The following TUBGCP3 variants were observed in gnomAD, a reference collection of about 807,000 sequenced individuals.
TUBGCP3 encodes gamma-tubulin complex component 3.
In TUBGCP3, 50 loss-of-function variants were observed where a neutral mutation model predicts 123.1. That is an observed-to-expected ratio of 0.41 (90% confidence interval 0.32 to 0.51). TUBGCP3 has a LOEUF of 0.51. TUBGCP3 is among the 20% of genes least tolerant of loss of function. The pLI is 0.36. For synonymous variants in TUBGCP3, 405 were observed against 413.9 expected, an observed-to-expected ratio of 0.98 and a Z score of 0.26; for missense variants, 882 against 1,127.0, an observed-to-expected ratio of 0.78 and a Z score of 3.11.
chr13:112,588,098 GGCGC>G lies in TUBGCP3; in HGVS notation c.-122_-119del. The stretch of plus-strand genomic sequence containing the variant: ...AAGCTCCCTGCTCCTGACAGGCTAA[GGCGC>G]GGGCGCCGCCGGCCACCAGGGCGCC... On this transcript the variant is annotated 5_prime_UTR_variant, in exon 1 of 22. It removes the in-frame stop codon of an upstream open reading frame in the 5' UTR. Transcript: ENST00000261965. 1.1e-6 allele frequency: 1 copy of G among 924,072 alleles called. No individual in the cohort carries two copies. Among genetic ancestry groups the G allele is most frequent in the Non-Finnish European group, 1.5e-6 (1 of 688,948 alleles). 57.2% of individuals were successfully genotyped at this position (924,072 alleles called of 1,614,324 possible).
At position 112,485,937 on chromosome 13, in the gene TUBGCP3, T is replaced by G; in HGVS notation, c.*56A>C. On this transcript the variant is annotated 3_prime_UTR_variant, in exon 22 of 22. Coordinates refer to ENST00000261965, the MANE Select transcript of TUBGCP3 (RefSeq NM_006322.6). ...TTCCTGCAGGACGTCAATGGGAATT[T>G]CGTGTCTAGCAGTGCAACGAACATC... 4.8e-6 allele frequency: 6 copies of G among 1,261,622 alleles called. No homozygotes were observed. The highest frequency in any genetic ancestry group is 6.6e-6 in the Non-Finnish European group (6 of 914,528). The allele number at this position is 1,261,622 out of a possible 1,614,324, so 78.2% of individuals were successfully genotyped here. A position where few individuals can be genotyped will look rare whatever the true frequency, so the allele number is the denominator to read the frequency against.
Position 112,506,948 on chromosome 13 carries a change from T to C in TUBGCP3, c.2087-2234A>G, listed in dbSNP as rs138223856. On this transcript the variant is annotated intron_variant, in intron 17 of 21. Transcript: ENST00000261965. Reference sequence around the variant, plus strand: ...CTGTGTCTTACCCCACTGAAGTCACTGGACTGTAATGGAAAATCTATAGCC... The same window carrying C: ...CTGTGTCTTACCCCACTGAAGTCACCGGACTGTAATGGAAAATCTATAGCC... 6.4e-4 allele frequency among the ~76,000 whole-genome samples: 97 copies of C among 152,336 alleles called. 3 individuals are homozygous for C. In the East Asian group the frequency reaches 0.017, roughly 27 times the overall value.
chr13:112,579,231 C>T (rs1427883373), intron 1 of TUBGCP3, among the ~76,000 whole-genome samples: 2 of 152,238 alleles, frequency 1.3e-5, no homozygotes, highest in African/African-American at 2.4e-5. Flanking sequence ...GATATCACAA[C>T]ACACTTGCTA....
chr13:112,515,612 A>C (rs1363117980), intron 17 of TUBGCP3, among the ~76,000 whole-genome samples: 1 of 152,200 alleles, frequency 6.6e-6, no homozygotes, highest in Non-Finnish European at 1.5e-5. Flanking sequence ...CGCAGCCATC[A>C]CTGCCTTTAA....
chr13:112,534,281 T>C (rs1039324477), intron 11 of TUBGCP3, among the ~76,000 whole-genome samples: 2 of 152,074 alleles, frequency 1.3e-5, no homozygotes, highest in Admixed American at 6.5e-5. Context: ...GCGCGGCGGC[T>C]CACGCCTGTA....
chr13:112,572,426 ACCCT>A (rs1881480488), intron 1 of TUBGCP3, among the ~76,000 whole-genome samples: 1 of 137,600 alleles, frequency 7.3e-6, no homozygotes, highest in South Asian at 2.5e-4. Flanking sequence ...CTCACCCCCC[ACCCT>A]CCAACAGGCT....
the TUBGCP3 span, chr13:112,602,725 C>T: frequency 6.6e-6 from 1 of 152,162 alleles, no homozygotes; most frequent in Non-Finnish European, 1.5e-5. Flanking sequence ...GTTCATTTTA[C>T]CGAACGTTAG....
At chr13:112,569,106 G>A in intron 2 of TUBGCP3, 46 bp downstream of exon 2, 1 of 1,564,612 alleles carries the variant, frequency 6.4e-7, no homozygotes, top group South Asian at 1.1e-5. Context: ...CTTAAGCTCT[G>A]ACGAGTTTAA....
intron 11 of TUBGCP3, among the ~76,000 whole-genome samples, chr13:112,528,267 A>G (rs1379667414): frequency 1.3e-5 from 2 of 152,266 alleles, no homozygotes; most frequent in Non-Finnish European, 2.9e-5. Context: ...TATTTCTATA[A>G]ACTTGTTTTA....
Position 112,524,100 on chromosome 13 carries a change from A to G in TUBGCP3, c.1556-1591T>C, listed in dbSNP as rs1335842238. The stretch of plus-strand genomic sequence containing the variant: ...GCAGGGGACCAATCCCACGACCCCC[A>G]CAGACACCAAAATTCCCTGATGCTC... On this transcript the variant is annotated intron_variant, in intron 13 of 21. Transcript: ENST00000261965. The surrounding 1 kb of genome is among the most constrained non-coding windows in gnomAD (Gnocchi z 4.4). 2.0e-5 allele frequency among the ~76,000 whole-genome samples: 3 copies of G among 152,142 alleles called. No homozygotes were observed. Among genetic ancestry groups the G allele is most frequent in the Non-Finnish European group, 4.4e-5 (3 of 68,022 alleles).
chr13:112,559,431 G>A (rs757745145), intron 3 of TUBGCP3, 32 bp from the exon 4 acceptor site: 42 of 1,511,206 alleles, frequency 2.8e-5, no homozygotes, highest in Non-Finnish European at 3.3e-5. Flanking sequence ...TTAAAAGAAC[G>A]ATTTTATACT....
chr13:112,603,485 G>C, the TUBGCP3 span: 16 of 152,256 alleles, frequency 1.1e-4, no homozygotes, highest in African/African-American at 3.9e-4. Context: ...AGTGCTTTGG[G>C]AGACTGAGGT....
At chr13:112,550,319 T>C (rs1879455083) in intron 8 of TUBGCP3, among the ~76,000 whole-genome samples, 1 of 152,226 alleles carries the variant, frequency 6.6e-6, no homozygotes, top group Non-Finnish European at 1.5e-5. Context: ...CTGTATATTT[T>C]TAAAATATAT....
chr13:112,578,431 C>T (rs903461575), intron 1 of TUBGCP3, among the ~76,000 whole-genome samples: 2 of 149,704 alleles, frequency 1.3e-5, no homozygotes, highest in East Asian at 2.0e-4. Context: ...TGGTGGTGGG[C>T]GCCTGTAATC....
intron 17 of TUBGCP3, 150 bp from the exon 18 acceptor site, chr13:112,504,864 C>T (rs1594116246): frequency 9.3e-6 from 6 of 641,812 alleles, no homozygotes; most frequent in Non-Finnish European, 1.7e-5. Flanking sequence ...CTCTCCAGAA[C>T]CAATTTCTGT....
intron 11 of TUBGCP3, among the ~76,000 whole-genome samples, chr13:112,542,679 C>G (rs1878621902): frequency 6.6e-6 from 1 of 152,002 alleles, no homozygotes; most frequent in South Asian, 2.1e-4. Context: ...ATTGAGCTAC[C>G]TACAGTGTCA....
intron 8 of TUBGCP3, among the ~76,000 whole-genome samples, chr13:112,551,793 A>G (rs1879608645): frequency 6.6e-6 from 1 of 152,132 alleles, no homozygotes; most frequent in South Asian, 2.1e-4. Flanking sequence ...AGAGCCTCTA[A>G]AGTCCAGTAC....
Position 112,554,882 on chromosome 13 carries a change from T to C in TUBGCP3, c.840+5A>G. Reference sequence around the variant, plus strand: ...TATTTTAACTTAGATTTTATGTTACTGTACCTTTCCTTCTACTTTGTAACA... The same window carrying C: ...TATTTTAACTTAGATTTTATGTTACCGTACCTTTCCTTCTACTTTGTAACA... On this transcript the variant is annotated splice_donor_5th_base_variant and intron_variant, in intron 7 of 21. Coordinates refer to ENST00000261965, the MANE Select transcript of TUBGCP3 (RefSeq NM_006322.6). The C allele has an allele frequency of 6.4e-7, 1 of 1,573,006 alleles. No homozygotes were observed. Among genetic ancestry groups the C allele is most frequent in the Non-Finnish European group, 8.7e-7 (1 of 1,153,004 alleles).
At chr13:112,541,656 G>A (rs919935673) in intron 11 of TUBGCP3, among the ~76,000 whole-genome samples, 1 of 151,622 alleles carries the variant, frequency 6.6e-6, no homozygotes, top group South Asian at 2.1e-4. Context: ...TCTCAAGACA[G>A]AAGTATTGCA....
Sources: allele counts gnomAD v4.1 joint callset (sites outside exome capture counted in the v4.1 genomes callset), GRCh38; gene constraint gnomAD v4.1.1; non-coding constraint Gnocchi (gnomAD v3.1); transcripts MANE v1.5; gene names NCBI Gene and HGNC (gene_info 2026-07-23, HGNC 2026-07-21).